The following HECW2 variants were observed in gnomAD, a reference collection of about 807,000 sequenced individuals.
HECW2 encodes the protein E3 ubiquitin-protein ligase HECW2.
A neutral mutation model predicts 175.2 loss-of-function variants in HECW2; 61 were observed. The ratio of observed to expected loss-of-function variants is 0.35; its 90% CI spans 0.28 to 0.43. The LOEUF is 0.43. Ranked by LOEUF, HECW2 falls within the 20% of genes least tolerant of loss-of-function variation. HECW2 has a pLI of 1.00. For missense variants in HECW2, 1,524 were observed against 2,000.5 expected (o/e 0.76, Z 4.54); for synonymous variants, 671 against 731.0 (o/e 0.92, Z 1.32).
At chr2:196,280,043 A>C (rs116284566) in intron 14 of HECW2, among the ~76,000 whole-genome samples, 2 of 152,176 alleles carry the variant, frequency 1.3e-5, no homozygotes, top group Admixed American at 1.3e-4. Context: ...TTAGGGGCCC[A>C]ATGTTGTAAG....
At chr2:196,482,398 C>T (rs897236827) in intron 1 of HECW2, among the ~76,000 whole-genome samples, 1 of 152,244 alleles carries the variant, frequency 6.6e-6, no homozygotes, top group African/African-American at 2.4e-5. Flanking sequence ...GGATTACAAC[C>T]TCTGTGCTGG....
At chr2:196,346,320 T>G (rs937940269) in intron 2 of HECW2, among the ~76,000 whole-genome samples, 2 of 152,128 alleles carry the variant, frequency 1.3e-5, no homozygotes, top group Non-Finnish European at 1.5e-5. Flanking sequence ...AAAATTAGAA[T>G]GGATGGGTAG....
intron 1 of HECW2, among the ~76,000 whole-genome samples, chr2:196,539,384 G>C (rs1176410287): frequency 6.6e-6 from 1 of 152,184 alleles, no homozygotes; most frequent in East Asian, 1.9e-4. Context: ...TGCAATCCCA[G>C]CACTTTGGGA....
chr2:196,470,514 T>C (rs184746914), intron 1 of HECW2, among the ~76,000 whole-genome samples: 1 of 152,178 alleles, frequency 6.6e-6, no homozygotes, highest in East Asian at 1.9e-4. Context: ...CATATTGAAG[T>C]TGTGTTTTGG....
chr2:196,510,096 G>T lies in HECW2; in HGVS notation c.-35-76638C>A, dbSNP rs74916328. On this transcript the variant is annotated intron_variant, in intron 1 of 28. Coordinates refer to ENST00000644978, the MANE Select transcript of HECW2 (RefSeq NM_001348768.2). Reference sequence around the variant, plus strand: ...ATTGTACTGCTAGTCTAGATTACAGGCAGCAATCCCAGCCTAGCAAGTGCC... The same window carrying T: ...ATTGTACTGCTAGTCTAGATTACAGTCAGCAATCCCAGCCTAGCAAGTGCC... Among the ~76,000 whole-genome samples, 720 of 152,196 alleles carry T rather than the reference G, an allele frequency of 4.7e-3. 6 individuals carry two copies. The highest frequency in any genetic ancestry group is 0.017 in the African/African-American group (685 of 41,498).
chr2:196,419,858 AC>A (rs1350234190), intron 2 of HECW2, among the ~76,000 whole-genome samples: 1 of 151,952 alleles, frequency 6.6e-6, no homozygotes, highest in Non-Finnish European at 1.5e-5. Flanking sequence ...ACTGTCCCGT[AC>A]CCCCACTCCA....
At chr2:196,448,947 T>C (rs1696267037) in intron 1 of HECW2, among the ~76,000 whole-genome samples, 1 of 152,220 alleles carries the variant, frequency 6.6e-6, no homozygotes, top group South Asian at 2.1e-4. Context: ...AATAAGTATT[T>C]GGATGTCTCC....
At chr2:196,328,544 A>G (rs1692239144) in intron 5 of HECW2, among the ~76,000 whole-genome samples, 1 of 152,204 alleles carries the variant, frequency 6.6e-6, no homozygotes, top group Admixed American at 6.5e-5. Context: ...TGTGGTAATT[A>G]TGCTTTGTGG....
In HECW2 at chr2:196,271,283, T is replaced by C. The variant is rs745307182; in HGVS notation, c.3245A>G (p.Asn1082Ser). Residue 1082 changes from asparagine to serine, a missense_variant, in exon 17 of 29, where the codon AAT becomes AGT. This residue lies in a region of HECW2 where 291 missense variants were observed against 412.2 expected (regional missense o/e 0.71). Transcript: ENST00000644978. Reference sequence around the variant, plus strand: ...ACGTAGAAATGCAACAATCTTGTCATTGTAAGCTGAAAAAAAAATCAGAAA... The same window carrying C: ...ACGTAGAAATGCAACAATCTTGTCACTGTAAGCTGAAAAAAAAATCAGAAA... ...QYQDMVPVAY[N>S]DKIVAFLRQP... 2 of 1,599,606 alleles carry C rather than the reference T, an allele frequency of 1.3e-6. No individual in the cohort carries two copies. The highest frequency in any genetic ancestry group is 2.2e-5 in the East Asian group (1 of 44,798).
At chr2:196,499,741 C>T (rs1687515646) in intron 1 of HECW2, among the ~76,000 whole-genome samples, 1 of 152,068 alleles carries the variant, frequency 6.6e-6, no homozygotes, top group Non-Finnish European at 1.5e-5. Context: ...TTAAAAGGGA[C>T]AAAAATTAGT....
At chr2:196,550,871 G>A (rs1689584698) in intron 1 of HECW2, among the ~76,000 whole-genome samples, 5 of 152,278 alleles carry the variant, frequency 3.3e-5, no homozygotes, top group Middle Eastern at 3.4e-3. Context: ...TTCTGCCTAA[G>A]CAGTTTGTTA....
intron 10 of HECW2, among the ~76,000 whole-genome samples, chr2:196,315,395 A>T (rs1377166604): frequency 6.6e-6 from 1 of 152,028 alleles, no homozygotes; most frequent in African/African-American, 2.4e-5. Context: ...AGGATGTTTG[A>T]TACACTGGCC....
intron 19 of HECW2, among the ~76,000 whole-genome samples, chr2:196,248,255 T>C (rs1688720257): frequency 1.3e-5 from 2 of 152,158 alleles, no homozygotes; most frequent in African/African-American, 4.8e-5. Flanking sequence ...GGGAAGTGAT[T>C]TATTAAAGGG....
intron 2 of HECW2, among the ~76,000 whole-genome samples, chr2:196,429,072 A>G (rs1695629748): frequency 6.6e-6 from 1 of 152,212 alleles, no homozygotes; most frequent in African/African-American, 2.4e-5. Flanking sequence ...CAAGTACAAG[A>G]GAAGAGGAAG....
intron 3 of HECW2, among the ~76,000 whole-genome samples, chr2:196,343,070 T>TTGTGTG (rs36014519): frequency 6.7e-6 from 1 of 148,682 alleles, no homozygotes; most frequent in Non-Finnish European, 1.5e-5. Flanking sequence ...ATGTGTATGT[T>TTGTGTG]TGTGTGTGTG....
intron 2 of HECW2, among the ~76,000 whole-genome samples, chr2:196,368,627 G>A (rs1693820481): frequency 6.6e-6 from 1 of 151,914 alleles, no homozygotes; most frequent in South Asian, 2.1e-4. Flanking sequence ...CCCTTTTGAG[G>A]CTGTTTTCTA....
chr2:196,279,324 A>G (rs2105989348), intron 14 of HECW2, among the ~76,000 whole-genome samples: 1 of 152,304 alleles, frequency 6.6e-6, no homozygotes, highest in East Asian at 1.9e-4. Context: ...CTGGGATTAC[A>G]GGCGTGAGCC....
At chr2:196,481,523 T>C (rs1686842828) in intron 1 of HECW2, among the ~76,000 whole-genome samples, 1 of 152,188 alleles carries the variant, frequency 6.6e-6, no homozygotes, top group Admixed American at 6.5e-5. Context: ...TCACAGAGTA[T>C]TGCTCATTCT....
chr2:196,557,858 T>C (rs1689860687), intron 1 of HECW2, among the ~76,000 whole-genome samples: 1 of 152,216 alleles, frequency 6.6e-6, no homozygotes, highest in Non-Finnish European at 1.5e-5. Flanking sequence ...TGTGATTTTT[T>C]TTCTTTGTTT....
Sources: gnomAD v4.1 joint callset for allele counts (sites outside exome capture counted in the v4.1 genomes callset) on GRCh38, gnomAD v4.1.1 for gene constraint, gnomAD v4.1.1 regional missense constraint, MANE v1.5 for transcripts, NCBI Gene and HGNC (gene_info 2026-07-23, HGNC 2026-07-21) for gene names.